The following PCDHA5 variants were observed in gnomAD, a reference collection of about 807,000 sequenced individuals.
PCDHA5 encodes protocadherin alpha-5.
Under a neutral mutation model 61.6 loss-of-function variants are expected in PCDHA5, and 43 were observed. The ratio of observed to expected loss-of-function variants is 0.70; its 90% confidence interval spans 0.55 to 0.90. The LOEUF (loss-of-function observed/expected upper bound fraction) is 0.90, where lower values mean the gene tolerates loss of function less well. Ranked by LOEUF, PCDHA5 falls within the 40% of genes least tolerant of loss-of-function variation. The pLI is 0.00. For synonymous variants in PCDHA5, 627 were observed against 543.9 expected, an observed-to-expected ratio of 1.15 and a Z score of -2.13; for missense variants, 1,298 against 1,222.7, an observed-to-expected ratio of 1.06 and a Z score of -0.92.
chr5:140,831,902 G>A (rs1771755236), intron 1 of PCDHA5, among the ~76,000 whole-genome samples: 1 of 152,130 alleles, frequency 6.6e-6, no homozygotes, highest in Admixed American at 6.6e-5. Flanking sequence ...TTGCCAAATA[G>A]CAAGTGCTTA....
chr5:140,951,716 C>T (rs2094623458), intron 1 of PCDHA5, among the ~76,000 whole-genome samples: 1 of 152,102 alleles, frequency 6.6e-6, no homozygotes, highest in South Asian at 2.1e-4. Flanking sequence ...GGACACAGAT[C>T]CAAACCATGT....
At chr5:140,902,208 T>TC (rs1462936622) in intron 1 of PCDHA5, among the ~76,000 whole-genome samples, 2 of 149,762 alleles carry the variant, frequency 1.3e-5, no homozygotes, top group East Asian at 3.9e-4. Flanking sequence ...TCTTTCTTTT[T>TC]TTTTTTTTTT....
At chr5:140,923,616 A>T (rs2081445050) in intron 1 of PCDHA5, among the ~76,000 whole-genome samples, 1 of 152,234 alleles carries the variant, frequency 6.6e-6, no homozygotes, top group African/African-American at 2.4e-5. Flanking sequence ...TTATCTGGTC[A>T]TCTTATCCAA....
chr5:140,971,290 A>G (rs2096467357), intron 1 of PCDHA5, among the ~76,000 whole-genome samples: 1 of 152,204 alleles, frequency 6.6e-6, no homozygotes, highest in East Asian at 1.9e-4. Context: ...ATTAATATGT[A>G]CTTTGGTACA....
At chr5:140,878,099 C>T (rs1270449354) in intron 1 of PCDHA5, 2 of 277,184 alleles carry the variant, frequency 7.2e-6, no homozygotes, top group Non-Finnish European at 1.3e-5. Flanking sequence ...GACTGATGAA[C>T]CTTGAAAAAA....
At chr5:140,899,654 GTC>G (rs1197760857) in intron 1 of PCDHA5, among the ~76,000 whole-genome samples, 4 of 152,276 alleles carry the variant, frequency 2.6e-5, no homozygotes, top group African/African-American at 9.6e-5. Context: ...ATTTGGTTGT[GTC>G]TCTGCCCGGC....
At chr5:140,926,926 T>C in intron 1 of PCDHA5, 1 of 1,573,576 alleles carries the variant, frequency 6.4e-7, no homozygotes, top group South Asian at 1.2e-5. Flanking sequence ...TTTATGTTTG[T>C]GGGTTTCCTG....
intron 1 of PCDHA5, chr5:140,869,033 T>C (rs1161601594): frequency 6.5e-7 from 1 of 1,527,194 alleles, no homozygotes; most frequent in East Asian, 2.3e-5. Flanking sequence ...AACGAGATTT[T>C]TAACCTGAAA....
At chr5:140,829,130 G>C (rs2150162751) in intron 1 of PCDHA5, 2 of 1,612,558 alleles carry the variant, frequency 1.2e-6, no homozygotes, top group Admixed American at 3.3e-5. Flanking sequence ...AAATGATAAC[G>C]TCCCTGAGAT....
intron 1 of PCDHA5, chr5:140,827,889 T>C: frequency 1.4e-6 from 1 of 707,002 alleles, no homozygotes; most frequent in South Asian, 1.9e-5. Flanking sequence ...AATTGATTTC[T>C]TACCTTTTGG....
At chr5:140,924,732 T>TA (rs1333846222) in intron 1 of PCDHA5, among the ~76,000 whole-genome samples, 2 of 151,706 alleles carry the variant, frequency 1.3e-5, no homozygotes, top group African/African-American at 4.8e-5. Flanking sequence ...TCACCTCTAA[T>TA]AAAAATACAA....
chr5:140,861,274 GCT>G lies in PCDHA5; in HGVS notation c.2352+37148_2352+37149del, dbSNP rs538032435. The G allele has an allele frequency of 1.4e-4, 25 of 180,670 alleles. 1 individual carries two copies. In the South Asian group the frequency reaches 2.9e-3, roughly 21 times the overall value. 11.2% of individuals were successfully genotyped at this position (180,670 alleles called of 1,614,324 possible). On this transcript the variant is annotated intron_variant, in intron 1 of 3. Transcript: ENST00000529859. The stretch of plus-strand genomic sequence containing the variant: ...AGGAATCCCGGAGCCTACAGCACTG[GCT>G]TCTGCTCCTTGAATTTTGTGAAGCG...
At chr5:140,877,926 G>T (rs1554170225) in intron 1 of PCDHA5, 1 of 1,415,760 alleles carries the variant, frequency 7.1e-7, no homozygotes, top group East Asian at 2.5e-5. Flanking sequence ...TTTTCTTTAT[G>T]ATTCTATCCT....
intron 1 of PCDHA5, chr5:140,967,413 A>G: frequency 6.2e-7 from 1 of 1,613,218 alleles, no homozygotes; most frequent in Non-Finnish European, 8.5e-7. Context: ...AAGGGCCTAG[A>G]CCGGGAGCAG....
chr5:140,932,866 T>C (rs1584758563), intron 1 of PCDHA5, among the ~76,000 whole-genome samples: 1 of 151,996 alleles, frequency 6.6e-6, no homozygotes, highest in Non-Finnish European at 1.5e-5. Flanking sequence ...TTATTGTCTT[T>C]TGTTGTCTTC....
chr5:140,828,449 G>A (rs2150155406), intron 1 of PCDHA5: 1 of 1,614,280 alleles, frequency 6.2e-7, no homozygotes, highest in African/African-American at 1.3e-5. Flanking sequence ...TTTCCATGTG[G>A]ACGTGGAGGT....
intron 1 of PCDHA5, chr5:140,848,706 C>A (rs2150418265): frequency 6.3e-7 from 1 of 1,592,212 alleles, no homozygotes; most frequent in African/African-American, 1.3e-5. Context: ...TTCCAAAGGC[C>A]GCGGGGACCT....
intron 1 of PCDHA5, chr5:140,968,020 C>T: frequency 1.2e-6 from 2 of 1,614,202 alleles, no homozygotes; most frequent in Non-Finnish European, 1.7e-6. Flanking sequence ...TTGGAAACTC[C>T]TATACACTGG....
chr5:140,930,012 A>G (rs1369011586), intron 1 of PCDHA5: 1 of 152,208 alleles, frequency 6.6e-6, no homozygotes, highest in Non-Finnish European at 1.5e-5. Context: ...CATAGCTGAT[A>G]GCTCCATAGC....
Sources: allele counts gnomAD v4.1 joint callset (sites outside exome capture counted in the v4.1 genomes callset), GRCh38; gene constraint gnomAD v4.1.1; transcripts MANE v1.5; gene names NCBI Gene and HGNC (gene_info 2026-07-23, HGNC 2026-07-21).